BORCS5: variants seen among roughly 807,000 people sequenced by gnomAD.
The protein encoded by BORCS5 is BLOC-1-related complex subunit 5.
In BORCS5, 17 loss-of-function variants were observed where a neutral mutation model predicts 22.1. The observed-to-expected ratio is 0.77, with a 90% confidence interval of 0.53 to 1.15. The LOEUF (loss-of-function observed/expected upper bound fraction) is 1.15. BORCS5 is among the 50% of genes most tolerant of loss of function. The pLI, the probability that BORCS5 is intolerant of heterozygous loss-of-function variation, is 0.00. For missense variants in BORCS5, 247 were observed against 253.2 expected, an observed-to-expected ratio of 0.98 and a Z score of 0.17; for synonymous variants, 117 against 99.8, an observed-to-expected ratio of 1.17 and a Z score of -1.03.
At chr12:12,434,811 C>T (rs1004351497) in intron 2 of BORCS5, among the ~76,000 whole-genome samples, 9 of 152,074 alleles carry the variant, frequency 5.9e-5, no homozygotes, top group African/African-American at 2.2e-4. Context: ...CACATAAAAG[C>T]TCTTTGGGGT....
At chr12:12,360,775 C>CA (rs1863265171) in intron 1 of BORCS5, among the ~76,000 whole-genome samples, 1 of 152,002 alleles carries the variant, frequency 6.6e-6, no homozygotes, top group South Asian at 2.1e-4. Flanking sequence ...GGCTCAAGTG[C>CA]AGTGGCACGA....
chr12:12,386,954 C>T (rs1439474058), intron 2 of BORCS5, among the ~76,000 whole-genome samples: 1 of 150,798 alleles, frequency 6.6e-6, no homozygotes, highest in Non-Finnish European at 1.5e-5. Flanking sequence ...ACCTTGAACT[C>T]CTGGGCTCAA....
chr12:12,405,762 C>T (rs1482030603), intron 2 of BORCS5, among the ~76,000 whole-genome samples: 1 of 152,202 alleles, frequency 6.6e-6, no homozygotes, highest in Non-Finnish European at 1.5e-5. Context: ...TCAATTAATA[C>T]TCTGAGCTAC....
In BORCS5 at chr12:12,469,837, G is replaced by A. The variant is rs1943261616; in HGVS notation, c.*4061G>A. On this transcript the variant is annotated 3_prime_UTR_variant, in exon 4 of 4. Coordinates refer to ENST00000314565, the MANE Select transcript of BORCS5 (RefSeq NM_058169.6). ...ACTTTTCTTCTTGTGGACTTTTTAG[G>A]TATGAAATTTAATCACGAGAGTAGT... 6.6e-6 allele frequency: 1 copy of A among 152,184 alleles called. No homozygotes were observed. The highest frequency in any genetic ancestry group is 1.5e-5 in the Non-Finnish European group (1 of 68,026). The allele number at this position is 152,184 out of a possible 1,614,324, so 9.4% of individuals were successfully genotyped here.
intron 2 of BORCS5, among the ~76,000 whole-genome samples, chr12:12,427,431 C>T (rs1375519817): frequency 2.0e-5 from 3 of 152,112 alleles, no homozygotes; most frequent in East Asian, 3.9e-4. Context: ...GGGCCCGCCT[C>T]GGCCTCCCAA....
chr12:12,435,682 C>T lies in BORCS5; in HGVS notation c.257C>T (p.Ser86Phe). 1 of 1,614,080 alleles carries T rather than the reference C, an allele frequency of 6.2e-7. No homozygotes were observed. Among genetic ancestry groups the T allele is most frequent in the Non-Finnish European group, 8.5e-7 (1 of 1,179,996 alleles). ...AATGCCAAATTGGAGAAACTGGACT[C>T]TCAGCAGGTGTTGCAGCTCTGCCTC... The part of the protein sequence containing the change: ...PTNAKLEKLD[S>F]QQVLQLCLRY... The change falls in exon 3 of 4, where the codon TCT becomes TTT. Residue 86 changes from serine (S) to phenylalanine (F), a missense_variant. Coordinates refer to ENST00000314565, the MANE Select transcript of BORCS5 (RefSeq NM_058169.6).
chr12:12,422,551 A>G (rs1470565121), intron 2 of BORCS5, among the ~76,000 whole-genome samples: 1 of 152,024 alleles, frequency 6.6e-6, no homozygotes, highest in African/African-American at 2.4e-5. Flanking sequence ...CAGTGAGCCG[A>G]GATCGTGGCA....
intron 3 of BORCS5, among the ~76,000 whole-genome samples, chr12:12,458,732 G>A (rs1048659169): frequency 6.6e-6 from 1 of 151,434 alleles, no homozygotes; most frequent in African/African-American, 2.4e-5. Context: ...CAGCACTTTG[G>A]GAGGCCGAGG....
chr12:12,389,975 G>C (rs1463290113), intron 2 of BORCS5, among the ~76,000 whole-genome samples: 1 of 152,036 alleles, frequency 6.6e-6, no homozygotes, highest in Non-Finnish European at 1.5e-5. Context: ...ATTTCCCACT[G>C]TGTGCTTTGT....
intron 2 of BORCS5, among the ~76,000 whole-genome samples, chr12:12,363,301 G>GAA (rs71061051): frequency 3.9e-5 from 5 of 127,616 alleles, no homozygotes; most frequent in Admixed American, 8.0e-5. Flanking sequence ...TGCCTCAAAA[G>GAA]AAAAAAAAAA....
chr12:12,410,794 T>A (rs1941712460), intron 2 of BORCS5, among the ~76,000 whole-genome samples: 1 of 152,206 alleles, frequency 6.6e-6, no homozygotes, highest in African/African-American at 2.4e-5. Flanking sequence ...GGGGATGGCA[T>A]TGAATCTATA....
chr12:12,374,926 G>A (rs574340684), intron 2 of BORCS5, among the ~76,000 whole-genome samples: 112 of 149,784 alleles, frequency 7.5e-4, no homozygotes, highest in African/African-American at 2.5e-3. Context: ...ACTGCATCCA[G>A]CCTGGGTGAC....
At chr12:12,412,987 G>C (rs1592100141) in intron 2 of BORCS5, among the ~76,000 whole-genome samples, 1 of 143,874 alleles carries the variant, frequency 7.0e-6, no homozygotes, top group East Asian at 2.0e-4. Flanking sequence ...GACAATAGTG[G>C]AGGGAAGGTC....
chr12:12,460,226 A>G (rs546571135), intron 3 of BORCS5, among the ~76,000 whole-genome samples: 4 of 152,298 alleles, frequency 2.6e-5, no homozygotes, highest in African/African-American at 9.6e-5. Flanking sequence ...GATCTTATAC[A>G]TATTTTGCTG....
At chr12:12,449,344 G>A (rs942983698) in intron 3 of BORCS5, among the ~76,000 whole-genome samples, 4 of 152,194 alleles carry the variant, frequency 2.6e-5, no homozygotes, top group African/African-American at 7.2e-5. Context: ...CCAAGGAACG[G>A]GAGGAGTGGG....
At chr12:12,436,005 C>T (rs933758620) in intron 3 of BORCS5, 1 of 452,246 alleles carries the variant, frequency 2.2e-6, no homozygotes, top group African/African-American at 2.0e-5. Flanking sequence ...TGCTTAACTT[C>T]TCTGTCTCAG....
At chr12:12,463,374 G>C (rs779009384) in intron 3 of BORCS5, among the ~76,000 whole-genome samples, 3 of 152,060 alleles carry the variant, frequency 2.0e-5, no homozygotes, top group Non-Finnish European at 4.4e-5. Context: ...ACATTTAAAA[G>C]GTAATAACTT....
At chr12:12,361,050 AAACAGTTTC>A (rs1335953261) in intron 1 of BORCS5, among the ~76,000 whole-genome samples, 147 bp from the exon 2 acceptor site, 2 of 152,270 alleles carry the variant, frequency 1.3e-5, no homozygotes, top group South Asian at 4.1e-4. Flanking sequence ...ATACTATAGA[AAACAGTTTC>A]TATAATTCAT....
intron 3 of BORCS5, among the ~76,000 whole-genome samples, chr12:12,438,248 C>T (rs1942594565): frequency 6.6e-6 from 1 of 151,640 alleles, no homozygotes; most frequent in South Asian, 2.1e-4. Flanking sequence ...GTAGTCCCAG[C>T]TCCTCGGGAG....
Sources: allele counts gnomAD v4.1 joint callset (sites outside exome capture counted in the v4.1 genomes callset), GRCh38; gene constraint gnomAD v4.1.1; transcripts MANE v1.5; gene names NCBI Gene and HGNC (gene_info 2026-07-23, HGNC 2026-07-21).